The following MAP2K5 variants were observed in gnomAD, a reference collection of about 807,000 sequenced individuals.
The protein encoded by MAP2K5 is dual specificity mitogen-activated protein kinase kinase 5.
Under a neutral mutation model 83.1 loss-of-function variants are expected in MAP2K5, and 49 were observed. The ratio of observed to expected loss-of-function variants is 0.59; its 90% CI spans 0.47 to 0.75. The LOEUF (loss-of-function observed/expected upper bound fraction) is 0.75, where lower values mean the gene tolerates loss of function less well. Ranked by LOEUF, MAP2K5 falls within the 30% of genes least tolerant of loss-of-function variation. The pLI, the probability that MAP2K5 is intolerant of heterozygous loss-of-function variation, is 0.00. For synonymous variants in MAP2K5, 202 were observed against 191.8 expected (o/e 1.05, Z -0.44); for missense variants, 457 against 557.5 (o/e 0.82, Z 1.82).
intron 7 of MAP2K5, among the ~76,000 whole-genome samples, chr15:67,597,616 A>G (rs182994520): frequency 2.6e-5 from 4 of 152,352 alleles, no homozygotes; most frequent in East Asian, 3.9e-4. Context: ...CACTCTTCCT[A>G]TGCTTCATTT....
intron 13 of MAP2K5, among the ~76,000 whole-genome samples, chr15:67,685,048 A>G (rs768842778): frequency 9.9e-5 from 15 of 152,238 alleles, no homozygotes; most frequent in Non-Finnish European, 1.6e-4. Context: ...TTGAAGAAAT[A>G]ATGGCTGAAA....
At chr15:67,557,632 T>C (rs950007900) in intron 2 of MAP2K5, among the ~76,000 whole-genome samples, 3 of 152,238 alleles carry the variant, frequency 2.0e-5, no homozygotes, top group African/African-American at 7.2e-5. Context: ...AAATTTGGCA[T>C]AGTATGACCA....
chr15:67,799,853 CT>C (rs2090670090), intron 21 of MAP2K5, among the ~76,000 whole-genome samples: 1 of 151,946 alleles, frequency 6.6e-6, no homozygotes, highest in African/African-American at 2.4e-5. Flanking sequence ...GGTATTATCT[CT>C]TTTATAGGCG....
intron 13 of MAP2K5, among the ~76,000 whole-genome samples, chr15:67,682,529 G>A (rs1485421995): frequency 1.3e-5 from 2 of 150,214 alleles, no homozygotes; most frequent in East Asian, 2.1e-4. Flanking sequence ...GGCCCCTGGA[G>A]CTATTCTTAA....
Position 67,786,059 on chromosome 15 carries a change from GTGTT to G in MAP2K5, c.1242+13311_1242+13314del, listed in dbSNP as rs545100395. Among the ~76,000 whole-genome samples, 37 of 151,414 alleles carry G rather than the reference GTGTT, an allele frequency of 2.4e-4. No homozygotes were observed. Among genetic ancestry groups the G allele is most frequent in the African/African-American group, 8.0e-4 (33 of 41,234 alleles). ...CTTACAGAAGATGGAGGTTATGAAAGTGTTTGTAAACTATGAAGTGCGAGACATA... is the reference window on the plus strand; with the variant it reads ...CTTACAGAAGATGGAGGTTATGAAAGTGTAAACTATGAAGTGCGAGACATA... On this transcript the variant is annotated intron_variant, in intron 21 of 21. Transcript: ENST00000178640. The surrounding 1 kb of genome is among the most constrained non-coding windows in gnomAD (Gnocchi z 4.7).
At chr15:67,549,906 A>T in intron 1 of MAP2K5, 128 bp from the exon 2 acceptor site, 1 of 684,416 alleles carries the variant, frequency 1.5e-6, no homozygotes, top group Non-Finnish European at 2.6e-6. Flanking sequence ...ATTATGAGCT[A>T]ATGTTTTTAT....
chr15:67,615,780 A>G (rs1256288144), intron 8 of MAP2K5, among the ~76,000 whole-genome samples: 1 of 152,170 alleles, frequency 6.6e-6, no homozygotes, highest in Non-Finnish European at 1.5e-5. Context: ...TTGCATTAAA[A>G]GGTGACATCT....
intron 8 of MAP2K5, among the ~76,000 whole-genome samples, chr15:67,621,062 T>TGTC (rs11449677): frequency 6.6e-6 from 1 of 151,502 alleles, no homozygotes; most frequent in South Asian, 2.1e-4. Context: ...GGGAGAAAAT[T>TGTC]TAAAATACCA....
chr15:67,744,872 T>A (rs2089569594), intron 17 of MAP2K5, among the ~76,000 whole-genome samples: 1 of 152,214 alleles, frequency 6.6e-6, no homozygotes, highest in African/African-American at 2.4e-5. Context: ...TGATAAATGT[T>A]ACTATAATAA....
chr15:67,745,522 A>C (rs1199493500), intron 17 of MAP2K5, among the ~76,000 whole-genome samples: 1 of 152,234 alleles, frequency 6.6e-6, no homozygotes, highest in African/African-American at 2.4e-5. Context: ...TGTGATCTTG[A>C]AAAAGGTAAA....
At chr15:67,735,722 G>A (rs975788426) in intron 17 of MAP2K5, among the ~76,000 whole-genome samples, 2 of 152,214 alleles carry the variant, frequency 1.3e-5, no homozygotes, top group East Asian at 1.9e-4. Context: ...GAGGCAAGAA[G>A]GATGGGACCA....
chr15:67,664,274 A>G (rs2087313258), intron 12 of MAP2K5, among the ~76,000 whole-genome samples: 1 of 141,264 alleles, frequency 7.1e-6, no homozygotes, highest in Admixed American at 7.8e-5. Flanking sequence ...CAGGAGGATC[A>G]CTTAAGCCCA....
At chr15:67,732,766 T>C (rs2089249998) in intron 17 of MAP2K5, among the ~76,000 whole-genome samples, 1 of 152,182 alleles carries the variant, frequency 6.6e-6, no homozygotes, top group Admixed American at 6.5e-5. Flanking sequence ...ACCTGGAGGC[T>C]GTACTAGATT....
chr15:67,602,646 G>A (rs948045193), intron 8 of MAP2K5, among the ~76,000 whole-genome samples: 17 of 152,132 alleles, frequency 1.1e-4, no homozygotes, highest in South Asian at 4.1e-4. Context: ...TTAAAACATA[G>A]GCTTGTTTGT....
rs34473838 is a variant in MAP2K5 at position 67,555,374 on chromosome 15, C to T, written c.184+5292C>T. Among the ~76,000 whole-genome samples the T allele has an allele frequency of 0.01, 1,526 of 152,296 alleles. 10 individuals are homozygous for T. Among genetic ancestry groups the T allele is most frequent in the Non-Finnish European group, 0.014 (928 of 68,028 alleles). On this transcript the variant is annotated intron_variant, in intron 2 of 21. Coordinates refer to ENST00000178640, the MANE Select transcript of MAP2K5 (RefSeq NM_145160.3). This position sits in a 1 kb window ranked among gnomAD's most constrained non-coding sequence, Gnocchi z 5.2. ...CACTACCATAGAGAGGGCACTGAGT[C>T]ATTCATGGGGGATCCACCCCCACGA... is the stretch of plus-strand genomic sequence containing the variant.
rs1046933250 is a variant in MAP2K5, at chr15:67,801,440, C to G, written c.1243-5206C>G. On this transcript the variant is annotated intron_variant, in intron 21 of 21. Coordinates refer to ENST00000178640, the MANE Select transcript of MAP2K5 (RefSeq NM_145160.3). The surrounding 1 kb of genome is among the most constrained non-coding windows in gnomAD (Gnocchi z 4.8). ...TTGGTGGGAGAGGATGTGCTTGGTG[C>G]TCACCCTGAGGCAGAGCAGTCCTGT... 2.0e-5 allele frequency among the ~76,000 whole-genome samples: 3 copies of G among 152,194 alleles called. No homozygotes were observed. Among genetic ancestry groups the G allele is most frequent in the African/African-American group, 7.2e-5 (3 of 41,438 alleles).
chr15:67,798,131 C>T (rs1287008884), intron 21 of MAP2K5, among the ~76,000 whole-genome samples: 1 of 152,228 alleles, frequency 6.6e-6, no homozygotes, highest in Non-Finnish European at 1.5e-5. Flanking sequence ...TTGTCACTGG[C>T]CCCATATTCA....
At chr15:67,680,979 C>G (rs1298927831) in intron 13 of MAP2K5, among the ~76,000 whole-genome samples, 1 of 152,202 alleles carries the variant, frequency 6.6e-6, no homozygotes, top group Non-Finnish European at 1.5e-5. Context: ...GATCCACATC[C>G]TGATTTCCTA....
In MAP2K5 at chr15:67,644,986, A is replaced by G. The variant is rs938467643; in HGVS notation, c.586-1245A>G. Among the ~76,000 whole-genome samples the G allele has an allele frequency of 6.6e-6, 1 of 151,358 alleles. No individual in the cohort carries two copies. Among genetic ancestry groups the G allele is most frequent in the Non-Finnish European group, 1.5e-5 (1 of 67,882 alleles). On this transcript the variant is annotated intron_variant, in intron 9 of 21. Transcript: ENST00000178640. This position sits in a 1 kb window ranked among gnomAD's most constrained non-coding sequence, Gnocchi z 4.6. ...AACATGGTGAAACCCCATCTCTACT[A>G]AAAATACAAAAATTAGCCAGGTGTG...
Sources: gnomAD v4.1 joint callset for allele counts (sites outside exome capture counted in the v4.1 genomes callset) on GRCh38, gnomAD v4.1.1 for gene constraint, Gnocchi (gnomAD v3.1) non-coding constraint, MANE v1.5 for transcripts, NCBI Gene and HGNC (gene_info 2026-07-23, HGNC 2026-07-21) for gene names.